The following DOCK4 variants were observed in gnomAD, a reference collection of about 807,000 sequenced individuals.
DOCK4 encodes dedicator of cytokinesis protein 4.
A neutral mutation model predicts 268.1 loss-of-function variants in DOCK4; 97 were observed. The observed-to-expected ratio is 0.36, with a 90% CI of 0.31 to 0.43. The LOEUF (loss-of-function observed/expected upper bound fraction) is 0.43, where lower values mean the gene tolerates loss of function less well. Among genes scored for constraint, DOCK4 ranks in the 20% least tolerant of loss-of-function variants. The pLI, the probability that DOCK4 is intolerant of heterozygous loss-of-function variation, is 1.00. For missense variants in DOCK4, 2,145 were observed against 2,455.7 expected (o/e 0.87, Z 2.67); for synonymous variants, 954 against 887.2 (o/e 1.08, Z -1.34).
chr7:112,062,959 G>C (rs1048278566), intron 1 of DOCK4, among the ~76,000 whole-genome samples: 1 of 152,204 alleles, frequency 6.6e-6, no homozygotes, highest in Non-Finnish European at 1.5e-5. Flanking sequence ...TTACAGGCCT[G>C]AGCCACCATG....
intron 23 of DOCK4, among the ~76,000 whole-genome samples, chr7:111,861,763 A>T (rs919216000): frequency 1.3e-5 from 2 of 148,502 alleles, no homozygotes; most frequent in African/African-American, 4.9e-5. Context: ...AAAAAAAATA[A>T]TAATAATAAT....
intron 8 of DOCK4, among the ~76,000 whole-genome samples, chr7:111,960,006 C>T (rs1174486399): frequency 6.6e-6 from 1 of 152,140 alleles, no homozygotes; most frequent in African/African-American, 2.4e-5. Context: ...CCCTATTACA[C>T]TTTTCTTTTT....
chr7:111,793,844 C>T (rs1799712347), intron 30 of DOCK4, among the ~76,000 whole-genome samples: 2 of 152,058 alleles, frequency 1.3e-5, no homozygotes, highest in East Asian at 1.9e-4. Context: ...GGTGCAACCT[C>T]ATCTGTAAAA....
intron 30 of DOCK4, among the ~76,000 whole-genome samples, chr7:111,804,351 T>C (rs919395186): frequency 5.3e-5 from 8 of 152,202 alleles, no homozygotes; most frequent in Admixed American, 3.3e-4. Context: ...ATAAATTCTG[T>C]ATGATTCCAC....
At position 112,008,890 on chromosome 7, in the gene DOCK4, A is replaced by G. The variant is rs1048951915; in HGVS notation, c.38-4759T>C. Among the ~76,000 whole-genome samples the G allele has an allele frequency of 3.9e-5, 6 of 152,196 alleles. No individual in the cohort carries two copies. In the East Asian group the frequency reaches 1.2e-3, roughly 29 times the overall value. ...GTGCCTGTAATCCCAGCTACTTGGG[A>G]GGCTGAGCAGGAGAATCGCTTGAAC... On this transcript the variant is annotated intron_variant, in intron 1 of 52. Coordinates refer to ENST00000428084, the MANE Select transcript of DOCK4 (RefSeq NM_001363540.2).
intron 1 of DOCK4, among the ~76,000 whole-genome samples, chr7:112,183,692 G>T (rs1437297159): frequency 5.3e-5 from 8 of 152,208 alleles, no homozygotes; most frequent in South Asian, 2.1e-4. Context: ...CCCTGGGAGT[G>T]GGGGTGAGGG....
Position 112,206,268 on chromosome 7 carries a change from G to GCCCAGCGCCC in DOCK4, c.-131_-130insGGGCGCTGGG. The GCCCAGCGCCC allele has an allele frequency of 9.6e-7, 1 of 1,039,972 alleles. No individual in the cohort carries two copies. The highest frequency in any genetic ancestry group is 1.4e-6 in the Non-Finnish European group (1 of 704,100). The allele number at this position is 1,039,972 out of a possible 1,614,324, so 64.4% of individuals were successfully genotyped here. On this transcript the variant is annotated 5_prime_UTR_variant, in exon 1 of 53. Transcript: ENST00000428084. The stretch of plus-strand genomic sequence containing the variant: ...CGGCTTCGCGCGGGCTGCGGGCGCT[G>GCCCAGCGCCC]GGCAGGATCTGCGCTGGAGGCTCCC...
chr7:112,129,846 AAC>A (rs949827107), intron 1 of DOCK4, among the ~76,000 whole-genome samples: 19 of 152,196 alleles, frequency 1.2e-4, no homozygotes, highest in African/African-American at 4.6e-4. Context: ...CTAGCAGCAG[AAC>A]AGAGACTAGA....
At chr7:112,201,439 G>A (rs892951025) in intron 1 of DOCK4, among the ~76,000 whole-genome samples, 52 of 152,014 alleles carry the variant, frequency 3.4e-4, no homozygotes, top group East Asian at 1.3e-3. Flanking sequence ...TTTCTGCACC[G>A]ATCAATCCAG....
intron 12 of DOCK4, 135 bp downstream of exon 12, chr7:111,935,405 C>T (rs988559097): frequency 5.3e-6 from 4 of 751,980 alleles, no homozygotes; most frequent in Non-Finnish European, 9.5e-6. Flanking sequence ...CCAGAATGTT[C>T]ATTGAGCATT....
rs1277686868 is a variant in DOCK4, at chr7:111,758,761, G to T, written c.4192C>A (p.Pro1398Thr). The change falls in exon 41 of 53, where the codon CCA becomes ACA. Residue 1398 changes from proline to threonine, a missense_variant. Transcript: ENST00000428084. ...YLQIYAVTPI[P>T]ESQEVLQREG... ...CTCTGCAGGACCTCCTGGCTCTCTG[G>T]AATGGGAGTCACAGCATATATCTGC... is the stretch of plus-strand genomic sequence containing the variant. 3.1e-6 allele frequency: 5 copies of T among 1,613,876 alleles called. No individual in the cohort carries two copies. The highest frequency in any genetic ancestry group is 3.4e-6 in the Non-Finnish European group (4 of 1,179,832).
chr7:111,997,948 A>G (rs1010618447), intron 4 of DOCK4, among the ~76,000 whole-genome samples: 3 of 152,220 alleles, frequency 2.0e-5, no homozygotes, highest in Non-Finnish European at 4.4e-5. Context: ...GTGATCAATG[A>G]GCTCAATCAA....
intron 7 of DOCK4, among the ~76,000 whole-genome samples, chr7:111,979,878 GT>G (rs1358415931): frequency 7.9e-5 from 12 of 152,180 alleles, no homozygotes; most frequent in Non-Finnish European, 1.6e-4. Flanking sequence ...CTTGGCTGCA[GT>G]TTAGAGTCCC....
intron 1 of DOCK4, among the ~76,000 whole-genome samples, chr7:112,164,571 C>A (rs149833987): frequency 6.6e-6 from 1 of 152,170 alleles, no homozygotes. Flanking sequence ...CACACACACA[C>A]GACTTTGTGT....
At chr7:111,974,067 T>C (rs1346450686) in intron 8 of DOCK4, among the ~76,000 whole-genome samples, 2 of 151,504 alleles carry the variant, frequency 1.3e-5, no homozygotes, top group African/African-American at 4.9e-5. Flanking sequence ...AAGAAAAAAA[T>C]AGAAGGAAGT....
At position 112,158,944 on chromosome 7, in the gene DOCK4, T is replaced by G. The variant is rs138963063; in HGVS notation, c.37+47158A>C. 5.5e-3 allele frequency among the ~76,000 whole-genome samples: 841 copies of G among 152,304 alleles called. 8 individuals are homozygous for G. Among genetic ancestry groups the G allele is most frequent in the African/African-American group, 0.019 (805 of 41,568 alleles). On this transcript the variant is annotated intron_variant, in intron 1 of 52. Coordinates refer to ENST00000428084, the MANE Select transcript of DOCK4 (RefSeq NM_001363540.2). ...AGGTAAAGTTCAGCCCAGCTTCATC[T>G]AAGTTACTACAAGCCAACTAAATGA...
At chr7:112,109,716 AT>A (rs940130088) in intron 1 of DOCK4, among the ~76,000 whole-genome samples, 29 of 144,890 alleles carry the variant, frequency 2.0e-4, no homozygotes, top group African/African-American at 3.8e-4. Context: ...ATATAGCACT[AT>A]TTTTTTTTAA....
At chr7:111,910,191 AG>A (rs1413724838) in intron 13 of DOCK4, among the ~76,000 whole-genome samples, 1 of 152,240 alleles carries the variant, frequency 6.6e-6, no homozygotes, top group Non-Finnish European at 1.5e-5. Flanking sequence ...AAAGAATCAC[AG>A]AGTAAAAAAT....
chr7:111,976,511 A>C (rs1298242772), intron 8 of DOCK4: 1 of 151,526 alleles, frequency 6.6e-6, no homozygotes, highest in African/African-American at 2.4e-5. Flanking sequence ...TAGACAAAAA[A>C]GTTTTAATAG....
Sources: allele counts gnomAD v4.1 joint callset (sites outside exome capture counted in the v4.1 genomes callset), GRCh38; gene constraint gnomAD v4.1.1; transcripts MANE v1.5; gene names NCBI Gene and HGNC (gene_info 2026-07-23, HGNC 2026-07-21).